Variants in LRRC7 observed in about 807,000 individuals in gnomAD.
LRRC7 encodes leucine rich repeat containing 7.
Under a neutral mutation model 175.7 loss-of-function variants are expected in LRRC7, and 23 were observed. That is an observed-to-expected ratio of 0.13 (90% confidence interval 0.09 to 0.19). LRRC7 has a LOEUF of 0.19. LRRC7 is among the 10% of genes least tolerant of loss of function. LRRC7 has a pLI of 1.00. For synonymous variants in LRRC7, 685 were observed against 680.9 expected (o/e 1.01, Z -0.09); for missense variants, 1,354 against 1,904.7 (o/e 0.71, Z 5.38).
chr1:69,857,101 A>G (rs925449090), intron 7 of LRRC7, among the ~76,000 whole-genome samples: 3 of 152,192 alleles, frequency 2.0e-5, no homozygotes, highest in Non-Finnish European at 4.4e-5. Context: ...TTCGGTATTG[A>G]TGGGATATAT....
At chr1:69,961,462 C>T (rs929039359) in intron 8 of LRRC7, among the ~76,000 whole-genome samples, 2 of 152,110 alleles carry the variant, frequency 1.3e-5, no homozygotes, top group African/African-American at 2.4e-5. Context: ...TGACATTCTT[C>T]GCAGAACTAG....
intron 2 of LRRC7, among the ~76,000 whole-genome samples, chr1:69,713,690 TG>T (rs1382607483): frequency 6.6e-6 from 1 of 151,672 alleles, no homozygotes; most frequent in East Asian, 1.9e-4. Context: ...GCTACGTTTA[TG>T]ATCATTTCAG....
intron 26 of LRRC7, among the ~76,000 whole-genome samples, chr1:70,116,281 C>CT (rs1439759966): frequency 3.5e-4 from 54 of 152,312 alleles, no homozygotes; most frequent in African/African-American, 1.3e-3. Flanking sequence ...GGCGCGGTGG[C>CT]TCACGCCTGT....
intron 1 of LRRC7, among the ~76,000 whole-genome samples, chr1:69,633,968 A>G (rs1437980925): frequency 6.6e-6 from 1 of 152,020 alleles, no homozygotes; most frequent in East Asian, 1.9e-4. Context: ...TGACCCTTAT[A>G]AATAGCTTAT....
chr1:70,060,815 T>G (rs1661521777), intron 23 of LRRC7, among the ~76,000 whole-genome samples: 1 of 152,320 alleles, frequency 6.6e-6, no homozygotes, highest in Non-Finnish European at 1.5e-5. Flanking sequence ...AAAACCTGAG[T>G]GATTGTCAAT....
intron 17 of LRRC7, 139 bp downstream of exon 17, chr1:70,023,513 T>C: frequency 1.1e-6 from 1 of 927,186 alleles, no homozygotes; most frequent in Non-Finnish European, 1.5e-6. Flanking sequence ...GTGTTTTATC[T>C]CAATTTAACA....
rs140413318 is a variant in LRRC7, at chr1:70,007,841, A to G, written c.1005-3956A>G. Among the ~76,000 whole-genome samples the G allele has an allele frequency of 7.5e-3, 1,139 of 152,256 alleles. 11 individuals are homozygous for G. Among genetic ancestry groups the G allele is most frequent in the African/African-American group, 0.025 (1,046 of 41,536 alleles). ...CATCACACTTTCCTCATTTATGTAT[A>G]TAAGTTTGCCTTCACTAGGTCCTCT... is the stretch of plus-strand genomic sequence containing the variant. On this transcript the variant is annotated intron_variant, in intron 11 of 26. Coordinates refer to ENST00000651989, the MANE Select transcript of LRRC7 (RefSeq NM_001370785.2).
intron 5 of LRRC7, among the ~76,000 whole-genome samples, chr1:69,826,748 C>T (rs1470120396): frequency 1.3e-5 from 2 of 151,930 alleles, no homozygotes; most frequent in African/African-American, 2.4e-5. Context: ...TAGGGGAAAC[C>T]GAAGCCCATT....
chr1:69,954,949 A>G (rs1358409337), intron 8 of LRRC7, among the ~76,000 whole-genome samples: 1 of 152,078 alleles, frequency 6.6e-6, no homozygotes, highest in African/African-American at 2.4e-5. Context: ...TGTGCATGAT[A>G]CAAATTGAAG....
intron 3 of LRRC7, among the ~76,000 whole-genome samples, chr1:69,791,321 TACAGG>T (rs993504601): frequency 1.3e-5 from 2 of 152,008 alleles, no homozygotes; most frequent in African/African-American, 4.8e-5. Flanking sequence ...TTGACCCCCT[TACAGG>T]ACCTATTTGG....
intron 8 of LRRC7, among the ~76,000 whole-genome samples, chr1:69,951,908 T>C (rs35132939): frequency 0.011 from 1,709 of 152,062 alleles, 17 homozygotes; most frequent in Non-Finnish European, 0.019. Flanking sequence ...CCTTCAAGTG[T>C]ACCCCCTAAC....
At chr1:70,075,520 A>G (rs1410636309) in intron 23 of LRRC7, among the ~76,000 whole-genome samples, 1 of 152,214 alleles carries the variant, frequency 6.6e-6, no homozygotes, top group African/African-American at 2.4e-5. Flanking sequence ...ACGGTTCCAT[A>G]GCTAGTGCCC....
At chr1:70,040,706 C>A (rs768738425) in intron 21 of LRRC7, among the ~76,000 whole-genome samples, 32 of 152,034 alleles carry the variant, frequency 2.1e-4, no homozygotes, top group Non-Finnish European at 3.7e-4. Flanking sequence ...CCCAGCTACT[C>A]GGGAGGCTGA....
At chr1:69,847,036 TTAAC>T (rs1424593557) in intron 7 of LRRC7, among the ~76,000 whole-genome samples, 2 of 152,226 alleles carry the variant, frequency 1.3e-5, no homozygotes, top group South Asian at 2.1e-4. Context: ...TAGAAAATGT[TTAAC>T]TAAATGATCT....
intron 5 of LRRC7, among the ~76,000 whole-genome samples, chr1:69,829,547 A>G (rs1363967486): frequency 6.6e-6 from 1 of 151,868 alleles, no homozygotes; most frequent in Admixed American, 6.6e-5. Flanking sequence ...GATCTATCAA[A>G]CACCATATCT....
At chr1:69,808,966 C>CA (rs573188757) in intron 4 of LRRC7, among the ~76,000 whole-genome samples, 2 of 151,370 alleles carry the variant, frequency 1.3e-5, no homozygotes, top group East Asian at 1.9e-4. Flanking sequence ...AAAATCCCTT[C>CA]AAAAAAAATC....
At chr1:69,679,878 G>T (rs1660253655) in intron 2 of LRRC7, among the ~76,000 whole-genome samples, 1 of 152,122 alleles carries the variant, frequency 6.6e-6, no homozygotes, top group African/African-American at 2.4e-5. Flanking sequence ...ATTATGGTTT[G>T]TTGATGAAAC....
chr1:69,629,484 TAC>T (rs1306126070), intron 1 of LRRC7, among the ~76,000 whole-genome samples: 2 of 152,126 alleles, frequency 1.3e-5, no homozygotes, highest in African/African-American at 4.8e-5. Context: ...TTTGTAACCG[TAC>T]ACTTAAGCAT....
intron 25 of LRRC7, among the ~76,000 whole-genome samples, chr1:70,107,295 G>A (rs755086492): frequency 1.6e-4 from 24 of 152,020 alleles, no homozygotes; most frequent in Admixed American, 3.9e-4. Context: ...TAAACCAGTC[G>A]TATATATAAT....
Sources: gnomAD v4.1 joint callset for allele counts (sites outside exome capture counted in the v4.1 genomes callset) on GRCh38, gnomAD v4.1.1 for gene constraint, MANE v1.5 for transcripts, NCBI Gene and HGNC (gene_info 2026-07-23, HGNC 2026-07-21) for gene names.